Variants in ZNF730 observed in about 807,000 individuals in gnomAD.
The protein encoded by ZNF730 is zinc finger protein 730.
A neutral mutation model predicts 12.6 loss-of-function variants in ZNF730; 12 were observed. The ratio of observed to expected loss-of-function variants is 0.95; its 90% CI spans 0.61 to 1.54. The LOEUF is 1.54. Among genes scored for constraint, ZNF730 ranks in the 40% most tolerant of loss-of-function variants. ZNF730 has a pLI of 0.00. For synonymous variants in ZNF730, 194 were observed against 195.8 expected (o/e 0.99, Z 0.08); for missense variants, 643 against 583.5 (o/e 1.10, Z -1.05).
intron 1 of ZNF730, among the ~76,000 whole-genome samples, chr19:23,088,759 C>A (rs1396781131): frequency 6.6e-6 from 1 of 152,128 alleles, no homozygotes; most frequent in Non-Finnish European, 1.5e-5. Flanking sequence ...GCCACCATGC[C>A]CAGCGTATTG....
intron 3 of ZNF730, among the ~76,000 whole-genome samples, chr19:23,144,439 G>T (rs1200336175): frequency 1.3e-5 from 2 of 152,122 alleles, no homozygotes; most frequent in African/African-American, 4.8e-5. Flanking sequence ...GGTGGCTCAT[G>T]TCTGTAATCC....
At chr19:23,120,104 C>T (rs994028367) in intron 1 of ZNF730, among the ~76,000 whole-genome samples, 1 of 151,490 alleles carries the variant, frequency 6.6e-6, no homozygotes, top group East Asian at 2.0e-4. Flanking sequence ...AAGCAGTTCT[C>T]CTGCCTCAGC....
chr19:23,138,922 A>G (rs1055296361), intron 3 of ZNF730, among the ~76,000 whole-genome samples: 11 of 152,096 alleles, frequency 7.2e-5, no homozygotes, highest in African/African-American at 2.7e-4. Context: ...GCTGTAGGAA[A>G]ATAAGCAAAT....
chr19:23,124,969 A>G (rs566208906), intron 1 of ZNF730, among the ~76,000 whole-genome samples: 6 of 152,230 alleles, frequency 3.9e-5, no homozygotes, highest in African/African-American at 1.2e-4. Context: ...ACCCAGATGG[A>G]GGTGATTAAA....
In ZNF730 at chr19:23,134,213, A is replaced by C. The variant is rs1970788222; in HGVS notation, c.130+7A>C. On this transcript the variant is annotated splice_region_variant and intron_variant, in intron 2 of 3. Coordinates refer to ENST00000597761, the MANE Select transcript of ZNF730 (RefSeq NM_001277403.2). ...AGAAACCTGGTCTTCCTGGGTGAGG[A>C]TAACTTTAATATACAATTCCTAATA... 6.3e-7 allele frequency: 1 copy of C among 1,595,202 alleles called. No individual in the cohort carries two copies. Among genetic ancestry groups the C allele is most frequent in the African/African-American group, 1.4e-5 (1 of 73,778 alleles).
intron 3 of ZNF730, among the ~76,000 whole-genome samples, chr19:23,141,650 A>AT (rs1161572168): frequency 1.3e-5 from 2 of 152,070 alleles, no homozygotes; most frequent in East Asian, 1.9e-4. Context: ...ATATTTGTGA[A>AT]TTTTTTTAGT....
At chr19:23,095,672 A>C in intron 1 of ZNF730, 1 of 381,598 alleles carries the variant, frequency 2.6e-6, no homozygotes, top group Admixed American at 4.5e-5. Flanking sequence ...ATGTGATGTG[A>C]GTCTCCTGCC....
intron 1 of ZNF730, among the ~76,000 whole-genome samples, chr19:23,129,541 A>C (rs1262528195): frequency 6.7e-6 from 1 of 148,224 alleles, no homozygotes. Flanking sequence ...TTTCTCCCTT[A>C]TGGAATGACT....
intron 1 of ZNF730, among the ~76,000 whole-genome samples, chr19:23,118,215 T>C (rs1471461765): frequency 6.6e-6 from 1 of 152,172 alleles, no homozygotes; most frequent in Non-Finnish European, 1.5e-5. Context: ...TTAAAAAGAT[T>C]TGTTTTCTGT....
At position 23,101,313 on chromosome 19, in the gene ZNF730, ACT is replaced by A. The variant is rs970475403; in HGVS notation, c.-94+25930_-94+25931del. ...GATCTGGACTAGAGGTGGACTGGTGACTCTCAGAGCAAGATTCAGCACACATA... is the reference window on the plus strand; with the variant it reads ...GATCTGGACTAGAGGTGGACTGGTGACTCAGAGCAAGATTCAGCACACATA... On this transcript the variant is annotated intron_variant, in intron 1 of 2. Transcript: ENST00000593635. Among the ~76,000 whole-genome samples, 109 of 152,224 alleles carry A rather than the reference ACT, an allele frequency of 7.2e-4. 1 individual carries two copies. Among genetic ancestry groups the A allele is most frequent in the African/African-American group, 2.5e-3 (105 of 41,540 alleles).
chr19:23,093,554 G>T (rs1403464578), intron 1 of ZNF730, among the ~76,000 whole-genome samples: 3 of 152,192 alleles, frequency 2.0e-5, no homozygotes, highest in Non-Finnish European at 2.9e-5. Flanking sequence ...GGGGGTGGGG[G>T]TGGTGGCAGC....
intron 1 of ZNF730, among the ~76,000 whole-genome samples, chr19:23,099,784 A>T (rs1305150766): frequency 6.6e-6 from 1 of 152,118 alleles, no homozygotes; most frequent in Non-Finnish European, 1.5e-5. Context: ...TATAGGTGTG[A>T]TTGTGACATG....
chr19:23,097,543 A>C (rs1970273804), intron 1 of ZNF730, among the ~76,000 whole-genome samples: 1 of 152,134 alleles, frequency 6.6e-6, no homozygotes, highest in East Asian at 1.9e-4. Context: ...AGTGCCCAGC[A>C]CCAATGTAAT....
Position 23,134,094 on chromosome 19 carries a change from T to G in ZNF730, c.18T>G (p.Phe6Leu). Residue 6 changes from phenylalanine (F) to leucine (L), a missense_variant, in exon 2 of 4, where the codon TTT (phenylalanine) becomes TTG (leucine). By Grantham distance (22) the Phe-to-Leu change is conservative (BLOSUM62 0). Coordinates refer to ENST00000597761, the MANE Select transcript of ZNF730 (RefSeq NM_001277403.2). Reference protein sequence around the residue: MGALTFRDVAIEFSLE... With the variant: MGALTLRDVAIEFSLE... ...GTGTTTTTCAGGGAGCGTTGACATT[T>G]AGAGATGTGGCCATAGAATTCTCTC... The G allele has an allele frequency of 6.2e-7, 1 of 1,613,484 alleles. No individual in the cohort carries two copies. Among genetic ancestry groups the G allele is most frequent in the Non-Finnish European group, 8.5e-7 (1 of 1,179,680 alleles).
chr19:23,130,571 A>G (rs1031320230), intron 1 of ZNF730, among the ~76,000 whole-genome samples: 1 of 152,214 alleles, frequency 6.6e-6, no homozygotes, highest in African/African-American at 2.4e-5. Context: ...ACCTGAAGGA[A>G]TATTTATGAA....
intron 1 of ZNF730, among the ~76,000 whole-genome samples, chr19:23,119,230 G>C (rs557075472): frequency 1.3e-5 from 2 of 152,176 alleles, no homozygotes; most frequent in African/African-American, 2.4e-5. Flanking sequence ...CAAGTTTGTT[G>C]AGGGTGTTAA....
intron 1 of ZNF730, among the ~76,000 whole-genome samples, chr19:23,075,619 C>T (rs1434524949): frequency 6.6e-6 from 1 of 152,220 alleles, no homozygotes; most frequent in African/African-American, 2.4e-5. Flanking sequence ...AGCTCTGCGC[C>T]CGCAGCCCCG....
chr19:23,135,561 A>T (rs1046856673), intron 2 of ZNF730, among the ~76,000 whole-genome samples: 7 of 151,826 alleles, frequency 4.6e-5, no homozygotes, highest in Non-Finnish European at 1.0e-4. Context: ...CCCAGGCTGG[A>T]GTGCAGTGGC....
intron 1 of ZNF730, among the ~76,000 whole-genome samples, chr19:23,083,117 C>CT (rs1020001954): frequency 6.6e-5 from 10 of 151,434 alleles, no homozygotes; most frequent in Admixed American, 1.3e-4. Context: ...TATGGATTTT[C>CT]TTTTTTTTAG....
Sources: allele counts gnomAD v4.1 joint callset (sites outside exome capture counted in the v4.1 genomes callset), GRCh38; gene constraint gnomAD v4.1.1; transcripts MANE v1.5; gene names NCBI Gene and HGNC (gene_info 2026-07-23, HGNC 2026-07-21).